Variants in MCHR2 observed in about 807,000 individuals in gnomAD.
The protein encoded by MCHR2 is melanin concentrating hormone receptor 2.
Under a neutral mutation model 24.8 loss-of-function variants are expected in MCHR2, and 15 were observed. The observed-to-expected ratio is 0.60, with a 90% CI of 0.40 to 0.93. The LOEUF (loss-of-function observed/expected upper bound fraction) is 0.93, where lower values mean the gene tolerates loss of function less well. MCHR2 is among the 40% of genes least tolerant of loss of function. MCHR2 has a pLI of 0.00. For missense variants in MCHR2, 386 were observed against 408.7 expected (o/e 0.94, Z 0.48); for synonymous variants, 151 against 147.6 (o/e 1.02, Z -0.17).
intron 1 of MCHR2, among the ~76,000 whole-genome samples, chr6:99,986,806 T>C (rs973854076): frequency 1.3e-5 from 2 of 151,302 alleles, no homozygotes; most frequent in African/African-American, 4.8e-5. Context: ...GGATATATTA[T>C]ATACATGGAC....
At chr6:99,972,744 A>C (rs1043670286) in intron 1 of MCHR2, among the ~76,000 whole-genome samples, 5 of 151,862 alleles carry the variant, frequency 3.3e-5, no homozygotes, top group Non-Finnish European at 7.4e-5. Context: ...TGTGTCCCAG[A>C]GATTCTGGTA....
At chr6:99,963,939 AG>A in intron 1 of MCHR2, among the ~76,000 whole-genome samples, 1 of 152,308 alleles carries the variant, frequency 6.6e-6, no homozygotes, top group African/African-American at 2.4e-5. Flanking sequence ...CTATAAAAAA[AG>A]ATAGAGAAGC....
intron 5 of MCHR2, among the ~76,000 whole-genome samples, chr6:99,924,650 CTTTG>C (rs1774312150): frequency 6.6e-6 from 1 of 152,088 alleles, no homozygotes; most frequent in African/African-American, 2.4e-5. Flanking sequence ...TTAATTTCTT[CTTTG>C]ACCCACTGGT....
At chr6:99,988,683 T>G (rs1775810420) in intron 1 of MCHR2, among the ~76,000 whole-genome samples, 2 of 152,158 alleles carry the variant, frequency 1.3e-5, no homozygotes, top group African/African-American at 4.8e-5. Context: ...ACAACATTTC[T>G]CATAGGTAGA....
At chr6:99,993,751 C>T (rs1775932778) in intron 1 of MCHR2, among the ~76,000 whole-genome samples, 185 bp downstream of exon 1, 1 of 152,148 alleles carries the variant, frequency 6.6e-6, no homozygotes, top group African/African-American at 2.4e-5. Context: ...CTCCACAGAG[C>T]CAAACTTTGT....
chr6:99,936,285 C>T lies in MCHR2; in HGVS notation c.588-1768G>A, dbSNP rs568630307. ...GAAAAGTCTTTGCCCAGACCAATGT[C>T]CTGGAGCATTTCCCTATGTTTTCTT... is the stretch of plus-strand genomic sequence containing the variant. On this transcript the variant is annotated intron_variant, in intron 4 of 5. Transcript: ENST00000281806. Among the ~76,000 whole-genome samples, 5 of 152,074 alleles carry T rather than the reference C, an allele frequency of 3.3e-5. No individual in the cohort carries two copies. The South Asian group carries it at 1.0e-3, about 32-fold the overall frequency.
At chr6:99,963,462 C>A (rs1194621937) in intron 1 of MCHR2, among the ~76,000 whole-genome samples, 5 of 152,042 alleles carry the variant, frequency 3.3e-5, no homozygotes, top group Non-Finnish European at 7.4e-5. Context: ...ATTAATCAAA[C>A]TTATTGAAGC....
intron 1 of MCHR2, among the ~76,000 whole-genome samples, chr6:99,981,022 A>G (rs1775660185): frequency 6.6e-6 from 1 of 152,208 alleles, no homozygotes. Flanking sequence ...GATAATCTTC[A>G]TGTCTTTCAA....
chr6:99,949,818 G>A (rs1346734100), intron 2 of MCHR2, among the ~76,000 whole-genome samples: 1 of 151,918 alleles, frequency 6.6e-6, no homozygotes, highest in Non-Finnish European at 1.5e-5. Flanking sequence ...ACTGTCCTTG[G>A]TCTCTCATCC....
chr6:99,957,440 C>T (rs1377827728), intron 1 of MCHR2, among the ~76,000 whole-genome samples: 1 of 152,024 alleles, frequency 6.6e-6, no homozygotes, highest in East Asian at 1.9e-4. Flanking sequence ...TCATGTCTGT[C>T]ATGTTACTTT....
intron 1 of MCHR2, among the ~76,000 whole-genome samples, chr6:99,993,014 T>C (rs558869202): frequency 1.3e-5 from 2 of 152,180 alleles, no homozygotes; most frequent in Non-Finnish European, 2.9e-5. Flanking sequence ...TGAAAACAGA[T>C]TGCCTCCCCA....
chr6:99,972,412 CT>C (rs1775445342), intron 1 of MCHR2, among the ~76,000 whole-genome samples: 1 of 152,158 alleles, frequency 6.6e-6, no homozygotes, highest in African/African-American at 2.4e-5. Flanking sequence ...ATGATATCCC[CT>C]TTATCATTTT....
chr6:99,928,673 C>A (rs1376427562), intron 5 of MCHR2, among the ~76,000 whole-genome samples: 3 of 152,148 alleles, frequency 2.0e-5, no homozygotes, highest in African/African-American at 7.2e-5. Flanking sequence ...TCTGTGGGAT[C>A]AGTGGTGATA....
rs1267352209 is a variant in MCHR2 at position 99,919,078 on chromosome 6, T to G, written c.*1862A>C. 6.6e-6 allele frequency among the ~76,000 whole-genome samples: 1 copy of G among 152,242 alleles called. No individual in the cohort carries two copies. The highest frequency in any genetic ancestry group is 2.4e-5 in the African/African-American group (1 of 41,456). Reference sequence around the variant, plus strand: ...ATATTATTCACTGAGCCCGGACTGTTGCATCTTAGAAAAGTGAGAATGAAG... The same window carrying G: ...ATATTATTCACTGAGCCCGGACTGTGGCATCTTAGAAAAGTGAGAATGAAG... On this transcript the variant is annotated 3_prime_UTR_variant, in exon 6 of 6. Coordinates refer to ENST00000281806, the MANE Select transcript of MCHR2 (RefSeq NM_001040179.2).
At chr6:99,925,090 G>A (rs897573071) in intron 5 of MCHR2, among the ~76,000 whole-genome samples, 1 of 151,982 alleles carries the variant, frequency 6.6e-6, no homozygotes, top group Admixed American at 6.6e-5. Context: ...CCAGTGTTGG[G>A]TGAATATATA....
At chr6:99,979,971 A>C (rs1225159668) in intron 1 of MCHR2, among the ~76,000 whole-genome samples, 1 of 152,236 alleles carries the variant, frequency 6.6e-6, no homozygotes, top group African/African-American at 2.4e-5. Context: ...ACTGATCTAC[A>C]AGATTTTGTT....
At chr6:99,978,346 G>C (rs2114582491) in intron 1 of MCHR2, among the ~76,000 whole-genome samples, 1 of 151,686 alleles carries the variant, frequency 6.6e-6, no homozygotes, top group African/African-American at 2.4e-5. Flanking sequence ...TCTGAAAGCA[G>C]GTTGTGTTAA....
intron 4 of MCHR2, among the ~76,000 whole-genome samples, chr6:99,934,959 G>A (rs1266359186): frequency 2.6e-5 from 4 of 151,996 alleles, no homozygotes; most frequent in Admixed American, 6.6e-5. Context: ...GGGTCAAGTG[G>A]CTTGCCCAAG....
chr6:99,978,570 C>T (rs1257500437), intron 1 of MCHR2, among the ~76,000 whole-genome samples: 1 of 151,994 alleles, frequency 6.6e-6, no homozygotes, highest in East Asian at 1.9e-4. Context: ...AGGTGCCCAC[C>T]ACCACGCCCA....
Sources: allele counts gnomAD v4.1 joint callset (sites outside exome capture counted in the v4.1 genomes callset), GRCh38; gene constraint gnomAD v4.1.1; transcripts MANE v1.5; gene names NCBI Gene and HGNC (gene_info 2026-07-23, HGNC 2026-07-21).